The following MYH16 variants were observed in gnomAD, a reference collection of about 807,000 sequenced individuals.
MYH16 encodes myosin heavy chain 16.
intron 28 of MYH16, among the ~76,000 whole-genome samples, chr7:99,287,157 C>A (rs1792290992): frequency 6.6e-6 from 1 of 152,110 alleles, no homozygotes; most frequent in South Asian, 2.1e-4. Context: ...CCAGTTTGGA[C>A]AATCTCAGTG....
chr7:99,238,950 G>A lies in MYH16; in HGVS notation n.122G>A, dbSNP rs149944788. Reference sequence around the variant, plus strand: ...CCCTATGACATTAAGAGGTCCTGCTGGGTCAAAGATGAGAAGGAAGGCTTC... The same window carrying A: ...CCCTATGACATTAAGAGGTCCTGCTAGGTCAAAGATGAGAAGGAAGGCTTC... On this transcript the variant is annotated non_coding_transcript_exon_variant, in exon 1 of 42. Transcript: ENST00000439784. 843 of 152,834 alleles carry A rather than the reference G, an allele frequency of 5.5e-3. 2 individuals carry two copies. Among genetic ancestry groups the A allele is most frequent in the Non-Finnish European group, 9.0e-3 (614 of 68,112 alleles). 9.5% of individuals were successfully genotyped at this position (152,834 alleles called of 1,614,324 possible). A position where few individuals can be genotyped will look rare whatever the true frequency, so the allele number is the denominator to read the frequency against.
intron 29 of MYH16, among the ~76,000 whole-genome samples, chr7:99,288,933 G>A (rs1275752734): frequency 6.6e-6 from 1 of 152,000 alleles, no homozygotes; most frequent in African/African-American, 2.4e-5. Context: ...GCAACACAGT[G>A]AAACCCTGTC....
chr7:99,291,320 C>T lies in MYH16; in HGVS notation n.3825-3C>T, dbSNP rs1792371077. On this transcript the variant is annotated splice_region_variant and splice_polypyrimidine_tract_variant and intron_variant and non_coding_transcript_variant, in intron 30 of 41. Transcript: ENST00000439784. ...ATATTTCTTCCATTTCCTTCTCACCCAGCTGAAAATAGTGAACTGAGCAGG... is the reference window on the plus strand; with the variant it reads ...ATATTTCTTCCATTTCCTTCTCACCTAGCTGAAAATAGTGAACTGAGCAGG... The T allele has an allele frequency of 2.2e-6, 1 of 455,298 alleles. No individual in the cohort carries two copies. The highest frequency in any genetic ancestry group is 2.0e-5 in the African/African-American group (1 of 50,126). The allele number at this position is 455,298 out of a possible 1,614,324, so 28.2% of individuals were successfully genotyped here. A position where few individuals can be genotyped will look rare whatever the true frequency, so the allele number is the denominator to read the frequency against.
At chr7:99,259,864 T>TAC (rs1791919529) in intron 11 of MYH16, among the ~76,000 whole-genome samples, 1 of 149,722 alleles carries the variant, frequency 6.7e-6, no homozygotes, top group Non-Finnish European at 1.5e-5. Context: ...TATATATATA[T>TAC]ATATTTCTGT....
intron 15 of MYH16, among the ~76,000 whole-genome samples, chr7:99,264,686 G>C (rs970370876): frequency 1.3e-5 from 2 of 152,144 alleles, no homozygotes. Context: ...TCAAGAATCA[G>C]GCTGTCCCAA....
intron 19 of MYH16, chr7:99,271,106 A>G (rs1487317319): frequency 6.6e-6 from 1 of 152,628 alleles, no homozygotes; most frequent in Non-Finnish European, 1.5e-5. Context: ...AGCACTCACA[A>G]ACACCGACAG....
intron 38 of MYH16, among the ~76,000 whole-genome samples, 156 bp downstream of exon 19, chr7:99,301,960 C>T (rs1268703455): frequency 3.3e-5 from 5 of 152,176 alleles, no homozygotes; most frequent in African/African-American, 1.2e-4. Flanking sequence ...CAAAACTCAT[C>T]TGCAGAGCTT....
At chr7:99,255,929 C>A (rs1791866636) in intron 9 of MYH16, among the ~76,000 whole-genome samples, 1 of 152,122 alleles carries the variant, frequency 6.6e-6, no homozygotes, top group African/African-American at 2.4e-5. Flanking sequence ...GGGCCTTCAA[C>A]CCCATGCAAC....
downstream of MYH16, among the ~76,000 whole-genome samples, chr7:99,308,966 G>A (rs1041984231): frequency 2.6e-5 from 4 of 152,150 alleles, no homozygotes; most frequent in Non-Finnish European, 4.4e-5. Flanking sequence ...GTGGCTAAGT[G>A]CATGGAAAAT....
At chr7:99,285,472 A>G (rs1196500953) in intron 27 of MYH16, 34 bp downstream of exon 9, 5 of 456,610 alleles carry the variant, frequency 1.1e-5, no homozygotes, top group Admixed American at 2.3e-5. Flanking sequence ...CTTGAGTCAA[A>G]AGACCTAACG....
At chr7:99,257,813 A>G (rs1049641159) in intron 10 of MYH16, among the ~76,000 whole-genome samples, 2 of 151,950 alleles carry the variant, frequency 1.3e-5, no homozygotes, top group African/African-American at 2.4e-5. Context: ...CGCCTGGCTA[A>G]TTTTTTAATT....
intron 4 of MYH16, among the ~76,000 whole-genome samples, chr7:99,249,310 G>A (rs969152214): frequency 6.6e-6 from 1 of 151,998 alleles, no homozygotes; most frequent in Non-Finnish European, 1.5e-5. Context: ...GCTTTGGGAG[G>A]CTGAGGCAGG....
intron 23 of MYH16, 143 bp downstream of exon 5, chr7:99,281,123 G>A (rs759134384): frequency 6.6e-5 from 13 of 195,558 alleles, no homozygotes; most frequent in African/African-American, 1.2e-4. Context: ...AGGAATCTCC[G>A]TACATCTCAG....
exon 38 of MYH16, chr7:99,301,758 A>G (rs1223838589): frequency 6.5e-6 from 1 of 152,926 alleles, no homozygotes; most frequent in Non-Finnish European, 1.5e-5. Flanking sequence ...CTGTTGGAGC[A>G]GGAAGTGGTG....
chr7:99,288,832 A>C (rs1054165527), intron 29 of MYH16, among the ~76,000 whole-genome samples: 1 of 144,750 alleles, frequency 6.9e-6, no homozygotes, highest in Admixed American at 6.9e-5. Flanking sequence ...AGTGCTCAAT[A>C]AGCCAGGCAC....
chr7:99,255,275 T>A (rs987434888), intron 8 of MYH16, among the ~76,000 whole-genome samples: 12 of 150,680 alleles, frequency 8.0e-5, no homozygotes, highest in African/African-American at 1.7e-4. Context: ...TCTCAAAAAA[T>A]TTTTTTAAAA....
At chr7:99,303,912 C>A (rs1371778605) in intron 39 of MYH16, among the ~76,000 whole-genome samples, 1 of 152,122 alleles carries the variant, frequency 6.6e-6, no homozygotes, top group Non-Finnish European at 1.5e-5. Flanking sequence ...GGTGGATGAG[C>A]CTGGGGACGC....
chr7:99,246,013 G>C (rs562712432), intron 2 of MYH16, among the ~76,000 whole-genome samples: 70 of 151,782 alleles, frequency 4.6e-4, no homozygotes, highest in African/African-American at 1.7e-3. Context: ...ACAAGCCTGA[G>C]CAACACGGCA....
intron 27 of MYH16, among the ~76,000 whole-genome samples, chr7:99,285,906 G>C (rs528726211): frequency 1.3e-5 from 2 of 152,236 alleles, no homozygotes; most frequent in Admixed American, 6.5e-5. Flanking sequence ...AAATCACAGC[G>C]TACCTAACCC....
Sources: allele counts gnomAD v4.1 joint callset (sites outside exome capture counted in the v4.1 genomes callset), GRCh38; gene constraint gnomAD v4.1.1; transcripts MANE v1.5; gene names NCBI Gene and HGNC (gene_info 2026-07-23, HGNC 2026-07-21).